Variants in KCNMA1 observed in about 807,000 individuals in gnomAD.
The protein encoded by KCNMA1 is Calcium-activated potassium channel subunit alpha-1.
A neutral mutation model predicts 140.0 loss-of-function variants in KCNMA1; 29 were observed. That is an observed-to-expected ratio of 0.21 (90% CI 0.15 to 0.28). The LOEUF (loss-of-function observed/expected upper bound fraction) is 0.28. KCNMA1 is among the 10% of genes least tolerant of loss of function. The pLI, the probability that KCNMA1 is intolerant of heterozygous loss-of-function variation, is 1.00. For synonymous variants in KCNMA1, 612 were observed against 611.9 expected (o/e 1.00, Z 0.00); for missense variants, 880 against 1,602.2 (o/e 0.55, Z 7.70).
intron 5 of KCNMA1, among the ~76,000 whole-genome samples, chr10:77,169,891 G>C (rs2098684541): frequency 6.6e-6 from 1 of 152,184 alleles, no homozygotes; most frequent in South Asian, 2.1e-4. Flanking sequence ...GAGTGATATA[G>C]TGTGTCTTAT....
intron 1 of KCNMA1, among the ~76,000 whole-genome samples, chr10:77,520,280 GGTGTGAGGGTATGCA>G (rs1472216116): frequency 1.7e-4 from 5 of 28,988 alleles, no homozygotes; most frequent in Non-Finnish European, 3.8e-4. Context: ...TGGGATATGT[GGTGTGAGGGTATGCA>G]GTGTGAGGGT....
At chr10:76,979,270 G>A (rs943250748) in intron 19 of KCNMA1, among the ~76,000 whole-genome samples, 1 of 152,224 alleles carries the variant, frequency 6.6e-6, no homozygotes, top group African/African-American at 2.4e-5. Flanking sequence ...GTGGAGAAAA[G>A]ATCATGCTGC....
chr10:77,580,394 A>G (rs1204987736), intron 1 of KCNMA1, among the ~76,000 whole-genome samples: 2 of 152,172 alleles, frequency 1.3e-5, no homozygotes, highest in Non-Finnish European at 2.9e-5. Flanking sequence ...AAAAAAAAAA[A>G]AAAGAAATGT....
intron 1 of KCNMA1, among the ~76,000 whole-genome samples, chr10:77,492,521 C>G (rs1180062600): frequency 1.3e-5 from 2 of 152,162 alleles, no homozygotes; most frequent in Non-Finnish European, 1.5e-5. Flanking sequence ...TCCTGAGGAT[C>G]CTAGCTGGTA....
At chr10:77,110,447 C>T (rs1381059185) in intron 7 of KCNMA1, 104 bp from the exon 8 acceptor site, 5 of 935,986 alleles carry the variant, frequency 5.3e-6, no homozygotes, top group Middle Eastern at 3.0e-4. Flanking sequence ...CTTGCTACTG[C>T]ACACCACTCT....
At chr10:77,058,701 TTAAC>T (rs1308532188) in intron 14 of KCNMA1, among the ~76,000 whole-genome samples, 3 of 151,996 alleles carry the variant, frequency 2.0e-5, no homozygotes, top group Non-Finnish European at 2.9e-5. Context: ...GAAAATATTG[TTAAC>T]TGAACAAAAA....
At chr10:76,981,572 A>C (rs922195711) in intron 19 of KCNMA1, among the ~76,000 whole-genome samples, 20 of 152,066 alleles carry the variant, frequency 1.3e-4, no homozygotes, top group African/African-American at 4.8e-4. Context: ...GAGACAGAAG[A>C]AGGGGCAGAG....
In KCNMA1 at chr10:76,889,404, A is replaced by T. The variant is rs775052602; in HGVS notation, c.3461+47T>A. The T allele has an allele frequency of 4.7e-5, 58 of 1,234,076 alleles. No individual in the cohort carries two copies. The Admixed American group carries it at 9.7e-4, about 21-fold the overall frequency. The allele number at this position is 1,234,076 out of a possible 1,614,324, so 76.4% of individuals were successfully genotyped here. A position where few individuals can be genotyped will look rare whatever the true frequency, so the allele number is the denominator to read the frequency against. On this transcript the variant is annotated intron_variant, in intron 27 of 27. Transcript: ENST00000286628. ...CAGTAGGGGACAGGAAAGGATATTA[A>T]TATTTCTGTGATTAGGTGGGAGGGC...
At chr10:77,605,429 G>T (rs1292660257) in intron 1 of KCNMA1, among the ~76,000 whole-genome samples, 2 of 152,198 alleles carry the variant, frequency 1.3e-5, no homozygotes, top group African/African-American at 4.8e-5. Context: ...ACACAACTAG[G>T]AAGTGAGCTT....
intron 23 of KCNMA1, among the ~76,000 whole-genome samples, chr10:76,928,276 CG>C (rs2058295528): frequency 7.6e-6 from 1 of 131,898 alleles, no homozygotes; most frequent in South Asian, 2.7e-4. Flanking sequence ...CACACACACA[CG>C]AACACGCGCG....
chr10:77,097,358 C>G (rs920112293), intron 9 of KCNMA1, among the ~76,000 whole-genome samples: 1 of 152,186 alleles, frequency 6.6e-6, no homozygotes, highest in Non-Finnish European at 1.5e-5. Flanking sequence ...CAAATGAAGC[C>G]TAACTCCAGG....
At position 77,108,705 on chromosome 10, in the gene KCNMA1, T is replaced by G; in HGVS notation, c.1132-133A>C. 1 of 706,316 alleles carries G rather than the reference T, an allele frequency of 1.4e-6. No homozygotes were observed. The highest frequency in any genetic ancestry group is 1.6e-5 in the South Asian group (1 of 62,778). The allele number at this position is 706,316 out of a possible 1,614,324, so 43.8% of individuals were successfully genotyped here. A position where few individuals can be genotyped will look rare whatever the true frequency, so the allele number is the denominator to read the frequency against. On this transcript the variant is annotated intron_variant, in intron 8 of 27. Transcript: ENST00000286628. This position sits in a 1 kb window ranked among gnomAD's most constrained non-coding sequence, Gnocchi z 4.6. ...CCTGCAAAGGTATATATTGATATGT[T>G]GGATCATAAAAAACTAAAAGCACGA... is the stretch of plus-strand genomic sequence containing the variant.
chr10:77,317,770 A>G (rs2154351566), intron 2 of KCNMA1, among the ~76,000 whole-genome samples: 1 of 152,304 alleles, frequency 6.6e-6, no homozygotes, highest in South Asian at 2.1e-4. Flanking sequence ...CTCATCAGGG[A>G]AGATAAATTC....
At chr10:77,452,038 C>G (rs760388700) in intron 1 of KCNMA1, among the ~76,000 whole-genome samples, 1 of 152,220 alleles carries the variant, frequency 6.6e-6, no homozygotes, top group African/African-American at 2.4e-5. Flanking sequence ...ACTTAATGAT[C>G]TTGGCTGCTT....
At chr10:77,028,448 T>C (rs1040222590) in intron 15 of KCNMA1, among the ~76,000 whole-genome samples, 12 of 152,128 alleles carry the variant, frequency 7.9e-5, no homozygotes, top group African/African-American at 2.9e-4. Context: ...TGCTCTCGAC[T>C]GCAGAGCAGA....
chr10:77,563,758 A>G (rs981730567), intron 1 of KCNMA1, among the ~76,000 whole-genome samples: 2 of 152,090 alleles, frequency 1.3e-5, no homozygotes, highest in Admixed American at 6.5e-5. Context: ...ATCCCTACAC[A>G]TTGCAGGCCC....
chr10:77,295,930 A>C (rs1220250012), intron 2 of KCNMA1, among the ~76,000 whole-genome samples: 6 of 92,216 alleles, frequency 6.5e-5, no homozygotes, highest in Admixed American at 2.4e-4. Context: ...ACAAGTACAT[A>C]CTTAATCTCT....
chr10:76,929,056 G>A (rs1461249234), intron 23 of KCNMA1, among the ~76,000 whole-genome samples: 23 of 151,892 alleles, frequency 1.5e-4, no homozygotes, highest in Admixed American at 1.5e-3. Flanking sequence ...TCACAGAAAT[G>A]AGTTTTTTTT....
Position 77,001,630 on chromosome 10 carries a change from C to T in KCNMA1, c.2093-50G>A, listed in dbSNP as rs954998784. 9 of 1,450,734 alleles carry T rather than the reference C, an allele frequency of 6.2e-6. No homozygotes were observed. The African/African-American group carries it at 1.3e-4, about 20-fold the overall frequency. The allele number at this position is 1,450,734 out of a possible 1,614,324, so 89.9% of individuals were successfully genotyped here. ...GGAGAGGAAGAGCGGCAATTAATGG[C>T]AAGGTCACACACAGCAAGGCAGCTG... On this transcript the variant is annotated intron_variant, in intron 18 of 27. Coordinates refer to ENST00000286628, the MANE Select transcript of KCNMA1 (RefSeq NM_001161352.2).
Sources: gnomAD v4.1 joint callset for allele counts (sites outside exome capture counted in the v4.1 genomes callset) on GRCh38, gnomAD v4.1.1 for gene constraint, Gnocchi (gnomAD v3.1) non-coding constraint, MANE v1.5 for transcripts, NCBI Gene and HGNC (gene_info 2026-07-23, HGNC 2026-07-21) for gene names.